Variants in CYP2J2 observed in about 807,000 individuals in gnomAD.
CYP2J2 encodes the protein cytochrome P450 family 2 subfamily J member 2, also known as cytochrome P450 2J2.
A neutral mutation model predicts 48.8 loss-of-function variants in CYP2J2; 41 were observed. That is an observed-to-expected ratio of 0.84 (90% CI 0.66 to 1.09). The LOEUF (loss-of-function observed/expected upper bound fraction) is 1.09, where lower values mean the gene tolerates loss of function less well. Ranked by LOEUF, CYP2J2 falls within the 50% of genes least tolerant of loss-of-function variation. CYP2J2 has a pLI of 0.00. For missense variants in CYP2J2, 644 were observed against 617.3 expected, an observed-to-expected ratio of 1.04 and a Z score of -0.46; for synonymous variants, 221 against 227.1, an observed-to-expected ratio of 0.97 and a Z score of 0.24.
At chr1:59,947,319 T>C in the CYP2J2 span, among the ~76,000 whole-genome samples, 1 of 152,310 alleles carries the variant, frequency 6.6e-6, no homozygotes, top group African/African-American at 2.4e-5. Context: ...TAGATTAGTA[T>C]TTGACCTGGA....
chr1:59,942,490 G>A, the CYP2J2 span, among the ~76,000 whole-genome samples: 1 of 152,150 alleles, frequency 6.6e-6, no homozygotes, highest in Non-Finnish European at 1.5e-5. Flanking sequence ...TTGGAGGATA[G>A]ACATCAGGTA....
chr1:59,913,221 G>C (rs943460166), intron 2 of CYP2J2: 1 of 152,090 alleles, frequency 6.6e-6, no homozygotes, highest in East Asian at 1.9e-4. Context: ...TATTTTGCTG[G>C]TTCATCTTCT....
At chr1:59,915,914 C>A in intron 2 of CYP2J2, 24 bp downstream of exon 2, 1 of 1,607,542 alleles carries the variant, frequency 6.2e-7, no homozygotes, top group Non-Finnish European at 8.5e-7. Flanking sequence ...CAAACACTCA[C>A]CTTTCGTTGG....
At chr1:59,907,654 A>G (rs983931980) in intron 6 of CYP2J2, 132 bp downstream of exon 6, 114 of 902,206 alleles carry the variant, frequency 1.3e-4, no homozygotes, top group Non-Finnish European at 1.8e-4. Context: ...GCAGTTTCCA[A>G]GTCCTCATCA....
intron 2 of CYP2J2, among the ~76,000 whole-genome samples, chr1:59,913,936 C>T (rs1363942246): frequency 6.6e-6 from 1 of 152,216 alleles, no homozygotes; most frequent in Non-Finnish European, 1.5e-5. Flanking sequence ...TCAGTAGCTT[C>T]ATCTCCCTTT....
In CYP2J2 at chr1:59,911,766, G is replaced by C; in HGVS notation, c.526C>G (p.Gln176Glu). ...LTEAIKEENG[Q>E]PFDPHFKINN... The stretch of plus-strand genomic sequence containing the variant: ...ATCTTGAAATGAGGGTCAAAAGGCT[G>C]TCCTGAAGGTGGAGGAAGGGCAAGA... The change falls in exon 4 of 9, where the codon CAG becomes GAG. Residue 176 changes from glutamine (Q) to glutamate (E), a missense_variant and splice_region_variant. Coordinates refer to ENST00000371204, the MANE Select transcript of CYP2J2 (RefSeq NM_000775.4). 6.2e-7 allele frequency: 1 copy of C among 1,611,608 alleles called. No individual in the cohort carries two copies. The highest frequency in any genetic ancestry group is 8.5e-7 in the Non-Finnish European group (1 of 1,178,972).
At chr1:59,950,936 C>T in the CYP2J2 span, among the ~76,000 whole-genome samples, 2 of 151,882 alleles carry the variant, frequency 1.3e-5, no homozygotes, top group Non-Finnish European at 2.9e-5. Flanking sequence ...TGCCAGGCTT[C>T]TTAAGGCCTG....
intron 5 of CYP2J2, among the ~76,000 whole-genome samples, chr1:59,909,114 G>A (rs764700971): frequency 8.5e-5 from 13 of 152,182 alleles, no homozygotes; most frequent in Non-Finnish European, 1.5e-4. Flanking sequence ...GGCATTCACA[G>A]GACCTCAAAC....
chr1:59,966,268 C>T, the CYP2J2 span, among the ~76,000 whole-genome samples: 36 of 152,212 alleles, frequency 2.4e-4, no homozygotes, highest in Non-Finnish European at 3.8e-4. Context: ...CCTCTCCTTC[C>T]TCAACTTTAT....
At chr1:59,911,557 G>C (rs1439343737) in intron 4 of CYP2J2, 51 bp downstream of exon 4, 1 of 1,340,052 alleles carries the variant, frequency 7.5e-7, no homozygotes, top group Non-Finnish European at 9.9e-7. Context: ...ATCTGTGGCT[G>C]ACATCGGCCC....
chr1:59,958,602 C>T, the CYP2J2 span, among the ~76,000 whole-genome samples: 4 of 152,294 alleles, frequency 2.6e-5, no homozygotes, highest in African/African-American at 4.8e-5. Flanking sequence ...TAGTCACCAT[C>T]GAGCTAGCTG....
At chr1:59,940,376 G>C in the CYP2J2 span, among the ~76,000 whole-genome samples, 3 of 152,198 alleles carry the variant, frequency 2.0e-5, no homozygotes, top group Non-Finnish European at 4.4e-5. Context: ...TGGTAGCTAA[G>C]TCCTGGAAAG....
At chr1:59,963,548 T>C in the CYP2J2 span, among the ~76,000 whole-genome samples, 1 of 152,246 alleles carries the variant, frequency 6.6e-6, no homozygotes, top group Non-Finnish European at 1.5e-5. Flanking sequence ...TGATATTCCA[T>C]TGTATGTATA....
chr1:59,926,529 A>T lies in CYP2J2; in HGVS notation c.210+8T>A, dbSNP rs778494035. The T allele has an allele frequency of 5.6e-6, 9 of 1,611,466 alleles. No homozygotes were observed. Among genetic ancestry groups the T allele is most frequent in the Non-Finnish European group, 7.6e-6 (9 of 1,177,906 alleles). ...CAGGACACGCTAGGCACCTTCTCCC[A>T]CTCCTACCAGCTGAACCTCCAGGTG... On this transcript the variant is annotated splice_region_variant and intron_variant, in intron 1 of 8. Coordinates refer to ENST00000371204, the MANE Select transcript of CYP2J2 (RefSeq NM_000775.4).
the CYP2J2 span, among the ~76,000 whole-genome samples, chr1:59,955,265 C>CAT: frequency 2.5e-4 from 6 of 23,948 alleles, no homozygotes; most frequent in East Asian, 3.3e-3. Flanking sequence ...TATATATATC[C>CAT]ATATATATAT....
At chr1:59,944,549 A>G in the CYP2J2 span, among the ~76,000 whole-genome samples, 1 of 152,216 alleles carries the variant, frequency 6.6e-6, no homozygotes, top group African/African-American at 2.4e-5. Flanking sequence ...TGTCTGTAGG[A>G]CAAATTCATA....
intron 1 of CYP2J2, among the ~76,000 whole-genome samples, chr1:59,921,836 T>C (rs1371389238): frequency 6.6e-6 from 1 of 152,150 alleles, no homozygotes; most frequent in Non-Finnish European, 1.5e-5. Context: ...GTTTCTGTTC[T>C]AAGGCTCTGT....
chr1:59,928,419 T>C (rs1644586451), upstream of CYP2J2, among the ~76,000 whole-genome samples: 1 of 152,208 alleles, frequency 6.6e-6, no homozygotes, highest in Non-Finnish European at 1.5e-5. Context: ...GTCTGTGGCA[T>C]TTGAGCCATA....
intron 1 of CYP2J2, among the ~76,000 whole-genome samples, chr1:59,917,483 A>G (rs185949669): frequency 3.9e-5 from 6 of 152,352 alleles, no homozygotes; most frequent in Non-Finnish European, 7.3e-5. Flanking sequence ...TGACAAAGCT[A>G]TTGAGTGGTG....
Sources: gnomAD v4.1 joint callset for allele counts (sites outside exome capture counted in the v4.1 genomes callset) on GRCh38, gnomAD v4.1.1 for gene constraint, MANE v1.5 for transcripts, NCBI Gene and HGNC (gene_info 2026-07-23, HGNC 2026-07-21) for gene names.